IGF2BP3: variants seen among roughly 807,000 people sequenced by gnomAD.
IGF2BP3 encodes insulin like growth factor 2 mRNA binding protein 3, also known as insulin-like growth factor 2 mRNA-binding protein 3.
IGF2BP3 carries 9 observed loss-of-function variants against 73.8 expected under a neutral mutation model. The ratio of observed to expected loss-of-function variants is 0.12; its 90% CI spans 0.07 to 0.21. IGF2BP3 has a LOEUF of 0.21. IGF2BP3 is among the 10% of genes least tolerant of loss of function. The pLI is 1.00. For synonymous variants in IGF2BP3, 258 were observed against 256.7 expected, an observed-to-expected ratio of 1.01 and a Z score of -0.05; for missense variants, 542 against 714.0, an observed-to-expected ratio of 0.76 and a Z score of 2.75.
chr7:23,327,034 T>A (rs1010995364), intron 10 of IGF2BP3, among the ~76,000 whole-genome samples: 1 of 151,532 alleles, frequency 6.6e-6, no homozygotes, highest in Non-Finnish European at 1.5e-5. Flanking sequence ...AACCTGCACA[T>A]TGTGCACATG....
chr7:23,358,070 T>C (rs369792109), intron 5 of IGF2BP3, among the ~76,000 whole-genome samples: 1 of 152,264 alleles, frequency 6.6e-6, no homozygotes, highest in African/African-American at 2.4e-5. Flanking sequence ...ACAGGTATTA[T>C]GAAACATGTT....
At chr7:23,378,668 G>A (rs2128515779) in intron 3 of IGF2BP3, among the ~76,000 whole-genome samples, 1 of 144,270 alleles carries the variant, frequency 6.9e-6, no homozygotes, top group East Asian at 2.1e-4. Context: ...CCGCCTCCCA[G>A]GTTCAAGCCA....
intron 3 of IGF2BP3, among the ~76,000 whole-genome samples, chr7:23,407,176 G>C: frequency 7.2e-6 from 1 of 139,316 alleles, no homozygotes; most frequent in South Asian, 2.6e-4. Flanking sequence ...TGATGATGTA[G>C]TTATTAAAAA....
At chr7:23,382,517 A>G (rs116669612) in intron 3 of IGF2BP3, among the ~76,000 whole-genome samples, 112 of 152,228 alleles carry the variant, frequency 7.4e-4, no homozygotes, top group African/African-American at 2.5e-3. Context: ...TTCAAGCACT[A>G]CATCTGTCAG....
At chr7:23,350,686 C>A (rs1167707929) in intron 6 of IGF2BP3, among the ~76,000 whole-genome samples, 2 of 151,700 alleles carry the variant, frequency 1.3e-5, no homozygotes, top group African/African-American at 2.4e-5. Context: ...GGCCTTGGCC[C>A]TGGGGCTACA....
chr7:23,346,186 G>A (rs1461798409), intron 7 of IGF2BP3, 124 bp from the exon 8 acceptor site: 6 of 1,059,764 alleles, frequency 5.7e-6, no homozygotes, highest in Non-Finnish European at 8.0e-6. Flanking sequence ...GTTAGGTACA[G>A]CTTAAAACTT....
chr7:23,351,476 C>T lies in IGF2BP3; in HGVS notation c.512G>A (p.Arg171His), dbSNP rs370236925. The T allele has an allele frequency of 4.8e-5, 78 of 1,613,666 alleles. No homozygotes were observed. The highest frequency in any genetic ancestry group is 8.0e-5 in the African/African-American group (6 of 74,862). ...QQNPLQQPRGRRGLGQRGSSR... is the reference protein window; with the variant it reads ...QQNPLQQPRGHRGLGQRGSSR... Reference sequence around the variant, plus strand: ...GGAGCCCCTCTGCCCAAGCCCCCGGCGACCTCGGGGCTGCTGCAAGGGGTT... The same window carrying T: ...GGAGCCCCTCTGCCCAAGCCCCCGGTGACCTCGGGGCTGCTGCAAGGGGTT... The change falls in exon 6 of 15, where the codon CGC becomes CAC. Residue 171 changes from arginine to histidine, a missense_variant. Physicochemically the swap from Arg to His is conservative, Grantham distance 29. Coordinates refer to ENST00000258729, the MANE Select transcript of IGF2BP3 (RefSeq NM_006547.3).
At chr7:23,347,759 GA>G (rs1360350935) in intron 6 of IGF2BP3, 25 bp from the exon 7 acceptor site, 1 of 1,613,630 alleles carries the variant, frequency 6.2e-7, no homozygotes, top group African/African-American at 1.3e-5. Context: ...AAGCAGAGAG[GA>G]AAACGAGAGC....
intron 2 of IGF2BP3, among the ~76,000 whole-genome samples, chr7:23,458,487 G>A (rs183129659): frequency 1.3e-5 from 2 of 152,102 alleles, no homozygotes; most frequent in East Asian, 3.9e-4. Flanking sequence ...GACAGACACC[G>A]TGGACTCCAC....
intron 2 of IGF2BP3, among the ~76,000 whole-genome samples, chr7:23,445,195 T>C (rs2128546521): frequency 6.6e-6 from 1 of 152,350 alleles, no homozygotes; most frequent in East Asian, 1.9e-4. Flanking sequence ...GCACAGTAGT[T>C]GCATTTGAGG....
chr7:23,467,440 G>A (rs1788590852), intron 2 of IGF2BP3, among the ~76,000 whole-genome samples: 1 of 152,158 alleles, frequency 6.6e-6, no homozygotes, highest in Non-Finnish European at 1.5e-5. Context: ...TGGGAGTTGG[G>A]GGGATGGGAG....
intron 12 of IGF2BP3, among the ~76,000 whole-genome samples, chr7:23,315,495 T>C (rs994610477): frequency 6.6e-6 from 1 of 152,116 alleles, no homozygotes; most frequent in African/African-American, 2.4e-5. Flanking sequence ...AACAACCTAT[T>C]ACATACAGCA....
At chr7:23,463,447 C>T (rs1788496106) in intron 2 of IGF2BP3, among the ~76,000 whole-genome samples, 1 of 152,200 alleles carries the variant, frequency 6.6e-6, no homozygotes, top group Non-Finnish European at 1.5e-5. Context: ...AAATTTAAGT[C>T]AAGCTCCTTA....
intron 3 of IGF2BP3, among the ~76,000 whole-genome samples, chr7:23,371,998 T>C (rs1785562911): frequency 6.6e-6 from 1 of 152,192 alleles, no homozygotes; most frequent in African/African-American, 2.4e-5. Flanking sequence ...TGAGCTAGAC[T>C]GATTTTTATT....
chr7:23,330,179 G>A (rs912266829), intron 10 of IGF2BP3, among the ~76,000 whole-genome samples: 2 of 151,928 alleles, frequency 1.3e-5, no homozygotes, highest in African/African-American at 4.8e-5. Context: ...CCAGCTACTC[G>A]AGAGGCTGAG....
intron 3 of IGF2BP3, among the ~76,000 whole-genome samples, chr7:23,378,569 GTTTT>G (rs1156868701): frequency 4.6e-5 from 3 of 65,884 alleles, no homozygotes; most frequent in South Asian, 7.3e-4. Flanking sequence ...ATTTTTGCTT[GTTTT>G]TTTTTTTTTT....
At chr7:23,317,873 T>A in intron 11 of IGF2BP3, 160 bp from the exon 12 acceptor site, 1 of 649,566 alleles carries the variant, frequency 1.5e-6, no homozygotes, top group Non-Finnish European at 2.8e-6. Context: ...GGTTCACAAT[T>A]TAGGCCTCCC....
chr7:23,362,126 G>T (rs1455057901), intron 3 of IGF2BP3, among the ~76,000 whole-genome samples: 2 of 152,120 alleles, frequency 1.3e-5, no homozygotes, highest in Non-Finnish European at 2.9e-5. Flanking sequence ...ACAAACTAAA[G>T]TTTAACAGGG....
At chr7:23,466,583 A>T (rs980766890) in intron 2 of IGF2BP3, among the ~76,000 whole-genome samples, 1 of 152,270 alleles carries the variant, frequency 6.6e-6, no homozygotes, top group Non-Finnish European at 1.5e-5. Context: ...CACTGGTGAC[A>T]TCTTACCTTA....
Sources: gnomAD v4.1 joint callset for allele counts (sites outside exome capture counted in the v4.1 genomes callset) on GRCh38, gnomAD v4.1.1 for gene constraint, MANE v1.5 for transcripts, NCBI Gene and HGNC (gene_info 2026-07-23, HGNC 2026-07-21) for gene names.